NCS1: variants seen among roughly 807,000 people sequenced by gnomAD.
NCS1 encodes neuronal calcium sensor 1.
A neutral mutation model predicts 28.4 loss-of-function variants in NCS1; 6 were observed. The observed-to-expected ratio is 0.21, with a 90% CI of 0.12 to 0.42. NCS1 has a LOEUF of 0.42. Among genes scored for constraint, NCS1 ranks in the 10% least tolerant of loss-of-function variants. The pLI is 1.00. For synonymous variants in NCS1, 86 were observed against 99.3 expected, an observed-to-expected ratio of 0.87 and a Z score of 0.79; for missense variants, 131 against 241.4, an observed-to-expected ratio of 0.54 and a Z score of 3.03.
chr9:130,196,509 C>T (rs1005994155), intron 1 of NCS1, among the ~76,000 whole-genome samples: 7 of 152,170 alleles, frequency 4.6e-5, no homozygotes, highest in South Asian at 2.1e-4. Flanking sequence ...GAGGCCGAGG[C>T]GGATGGAACA....
At chr9:130,222,122 A>G in intron 4 of NCS1, among the ~76,000 whole-genome samples, 1 of 139,060 alleles carries the variant, frequency 7.2e-6, no homozygotes, top group Non-Finnish European at 1.5e-5. Flanking sequence ...ACGTATATAT[A>G]TATGTGTATA....
chr9:130,198,436 G>T (rs189165154), intron 1 of NCS1, among the ~76,000 whole-genome samples: 2 of 152,278 alleles, frequency 1.3e-5, no homozygotes, highest in African/African-American at 4.8e-5. Context: ...TGTTTGTGTC[G>T]AATGCTGCCA....
chr9:130,208,155 T>C (rs1554908330), intron 2 of NCS1, among the ~76,000 whole-genome samples: 1 of 128,490 alleles, frequency 7.8e-6, no homozygotes, highest in Non-Finnish European at 1.5e-5. Context: ...CAGTCCATGA[T>C]GGAAAAAATG....
At chr9:130,228,791 C>T (rs966553315) in intron 7 of NCS1, among the ~76,000 whole-genome samples, 4 of 151,730 alleles carry the variant, frequency 2.6e-5, no homozygotes, top group Admixed American at 6.6e-5. Flanking sequence ...CTCAGCTTCC[C>T]GAGTAGCTGG....
intron 1 of NCS1, among the ~76,000 whole-genome samples, chr9:130,183,025 TC>T (rs1832684148): frequency 6.6e-6 from 1 of 152,140 alleles, no homozygotes; most frequent in Non-Finnish European, 1.5e-5. Context: ...GCCCGGGGTG[TC>T]CTCGCCTCTG....
chr9:130,199,251 GC>G (rs1240294228), intron 1 of NCS1, among the ~76,000 whole-genome samples: 5 of 152,090 alleles, frequency 3.3e-5, no homozygotes, highest in African/African-American at 1.2e-4. Context: ...GTGCCACCAT[GC>G]CTGGCTAATT....
In NCS1 at chr9:130,178,322, T is replaced by G. The variant is rs79693910; in HGVS notation, c.64+5595T>G. 9.9e-3 allele frequency among the ~76,000 whole-genome samples: 1,510 copies of G among 152,298 alleles called. 23 individuals carry two copies. The highest frequency in any genetic ancestry group is 0.035 in the African/African-American group (1,437 of 41,560). On this transcript the variant is annotated intron_variant, in intron 1 of 7. Coordinates refer to ENST00000372398, the MANE Select transcript of NCS1 (RefSeq NM_014286.4). ...CTCACCCAGGCCCCAGAGCCCAGCC[T>G]CCTCCTCACAGGCTCTTTTTGCCCT...
intron 1 of NCS1, among the ~76,000 whole-genome samples, chr9:130,187,817 C>G (rs1588110935): frequency 6.6e-6 from 1 of 152,324 alleles, no homozygotes; most frequent in Admixed American, 6.5e-5. Flanking sequence ...CCCTGCTCTA[C>G]CGGCTATGAC....
At chr9:130,203,614 C>T (rs1832987025) in intron 2 of NCS1, among the ~76,000 whole-genome samples, 1 of 152,138 alleles carries the variant, frequency 6.6e-6, no homozygotes, top group Non-Finnish European at 1.5e-5. Flanking sequence ...GACCAAGGCA[C>T]CTCCCCAGGG....
chr9:130,218,953 T>C (rs1389961424), intron 3 of NCS1, among the ~76,000 whole-genome samples: 2 of 152,122 alleles, frequency 1.3e-5, no homozygotes, highest in East Asian at 3.8e-4. Context: ...TTAATACCCA[T>C]TTTGTAGGTC....
intron 1 of NCS1, among the ~76,000 whole-genome samples, chr9:130,178,903 C>T (rs190759607): frequency 2.7e-4 from 8 of 29,242 alleles, no homozygotes; most frequent in African/African-American, 5.5e-4. Flanking sequence ...CCCCTGCCCT[C>T]CCCTCCCCTT....
Position 130,232,959 on chromosome 9 carries a change from T to G in NCS1, c.*18-31T>G, listed in dbSNP as rs1554912322. 1 of 152,878 alleles carries G rather than the reference T, an allele frequency of 6.5e-6. No individual in the cohort carries two copies. The highest frequency in any genetic ancestry group is 6.5e-5 in the Admixed American group (1 of 15,282). The allele number at this position is 152,878 out of a possible 1,614,324, so 9.5% of individuals were successfully genotyped here. On this transcript the variant is annotated intron_variant, in intron 7 of 7. Coordinates refer to ENST00000372398, the MANE Select transcript of NCS1 (RefSeq NM_014286.4). This position sits in a 1 kb window ranked among gnomAD's most constrained non-coding sequence, Gnocchi z 4.4. ...AACCCCTATCCGCTGTGGCTGGATC[T>G]TAACCCATCTTGCCTCCTTGTGTCT...
intron 1 of NCS1, among the ~76,000 whole-genome samples, chr9:130,187,058 G>A (rs1198918466): frequency 6.6e-6 from 1 of 152,080 alleles, no homozygotes; most frequent in Non-Finnish European, 1.5e-5. Context: ...GCGGGGGCGC[G>A]GGCAGTGAGT....
intron 4 of NCS1, among the ~76,000 whole-genome samples, chr9:130,222,153 T>C (rs1226475139): frequency 6.8e-6 from 1 of 146,638 alleles, no homozygotes; most frequent in Non-Finnish European, 1.5e-5. Context: ...TATATATATA[T>C]GTATATACAG....
Position 130,209,216 on chromosome 9 carries a change from C to G in NCS1, c.89+8234C>G, listed in dbSNP as rs574518518. ...TTATGATTTATCCGTCTAGCAATCTCTGTCCCACCTTTTGCACTGCAGAGA... is the reference window on the plus strand; with the variant it reads ...TTATGATTTATCCGTCTAGCAATCTGTGTCCCACCTTTTGCACTGCAGAGA... On this transcript the variant is annotated intron_variant, in intron 2 of 7. Coordinates refer to ENST00000372398, the MANE Select transcript of NCS1 (RefSeq NM_014286.4). The surrounding 1 kb of genome is among the most constrained non-coding windows in gnomAD (Gnocchi z 4.4). 2.0e-5 allele frequency among the ~76,000 whole-genome samples: 3 copies of G among 152,360 alleles called. No homozygotes were observed. The South Asian group carries it at 6.2e-4, about 32-fold the overall frequency.
rs376603053 is a variant in NCS1, at chr9:130,225,455, T to C, written c.475-934T>C. Among the ~76,000 whole-genome samples the C allele has an allele frequency of 2.0e-5, 3 of 152,272 alleles. No homozygotes were observed. The East Asian group carries it at 5.8e-4, about 29-fold the overall frequency. ...AAGTTTCTCGTGGTGTGCGTCCACG[T>C]GGCTTAAGGCCAAGGCCGCACATTC... On this transcript the variant is annotated intron_variant, in intron 6 of 7. Coordinates refer to ENST00000372398, the MANE Select transcript of NCS1 (RefSeq NM_014286.4).
chr9:130,200,697 A>G, intron 1 of NCS1: 1 of 1,542,020 alleles, frequency 6.5e-7, no homozygotes, highest in Non-Finnish European at 8.8e-7. Context: ...GGGCTCTCCC[A>G]GCAGCGGCAG....
chr9:130,185,557 G>A (rs977725757), intron 1 of NCS1, among the ~76,000 whole-genome samples: 2 of 152,212 alleles, frequency 1.3e-5, no homozygotes, highest in African/African-American at 2.4e-5. Flanking sequence ...CTGGGGAGTT[G>A]AGGAGGGGTC....
chr9:130,177,659 G>A lies in NCS1; in HGVS notation c.64+4932G>A, dbSNP rs111693795. Among the ~76,000 whole-genome samples the A allele has an allele frequency of 1.1e-4, 17 of 152,352 alleles. No individual in the cohort carries two copies. The highest frequency in any genetic ancestry group is 3.9e-4 in the East Asian group (2 of 5,188). On this transcript the variant is annotated intron_variant, in intron 1 of 7. Transcript: ENST00000372398. This position sits in a 1 kb window ranked among gnomAD's most constrained non-coding sequence, Gnocchi z 4.4. ...ATTAGGAGAGGACTCGATCCCCTGC[G>A]GTGCGGGGCTGGGTCCTCACTCGGC...
Sources: allele counts gnomAD v4.1 joint callset (sites outside exome capture counted in the v4.1 genomes callset), GRCh38; gene constraint gnomAD v4.1.1; non-coding constraint Gnocchi (gnomAD v3.1); transcripts MANE v1.5; gene names NCBI Gene and HGNC (gene_info 2026-07-23, HGNC 2026-07-21).